The following ATAD2B variants were observed in gnomAD, a reference collection of about 807,000 sequenced individuals.
The protein encoded by ATAD2B is ATPase family AAA domain containing 2B, also known as ATPase family AAA domain-containing protein 2B.
In ATAD2B, 40 loss-of-function variants were observed where a neutral mutation model predicts 167.6. That is an observed-to-expected ratio of 0.24 (90% CI 0.19 to 0.31). ATAD2B has a LOEUF of 0.31. ATAD2B is among the 10% of genes least tolerant of loss of function. The pLI is 1.00. For missense variants in ATAD2B, 1,242 were observed against 1,757.2 expected (o/e 0.71, Z 5.24); for synonymous variants, 579 against 596.5 (o/e 0.97, Z 0.43).
At chr2:23,857,154 T>G (rs1371347279) in intron 13 of ATAD2B, among the ~76,000 whole-genome samples, 2 of 152,182 alleles carry the variant, frequency 1.3e-5, no homozygotes, top group African/African-American at 4.8e-5. Flanking sequence ...TTGTAGCACA[T>G]AAGAAACCAC....
chr2:23,684,662 T>TCTCCTCCTC, the ATAD2B span: 2 of 553,994 alleles, frequency 3.6e-6, no homozygotes, highest in Admixed American at 7.3e-5. This position sits in a 1 kb window ranked among gnomAD's most constrained non-coding sequence, Gnocchi z 4.4. Flanking sequence ...AGTAGCCATC[T>TCTCCTCCTC]CTCCTCCTCC....
intron 7 of ATAD2B, among the ~76,000 whole-genome samples, chr2:23,877,523 A>AAGGGGAGGGG (rs1275001400): frequency 1.3e-4 from 6 of 45,232 alleles, no homozygotes; most frequent in Admixed American, 3.3e-4. Flanking sequence ...AAGGGGAGGG[A>AAGGGGAGGGG]AGGGGAGGGG....
At position 23,915,695 on chromosome 2, in the gene ATAD2B, G is replaced by A. The variant is rs554542551; in HGVS notation, c.216+10860C>T. On this transcript the variant is annotated intron_variant, in intron 1 of 27. Transcript: ENST00000238789. ...CAGCCTCCTCCTCCTGGGTTCAAGCGATTCCCCTGCCTCAGCCTCCCAAAT... is the reference window on the plus strand; with the variant it reads ...CAGCCTCCTCCTCCTGGGTTCAAGCAATTCCCCTGCCTCAGCCTCCCAAAT... Among the ~76,000 whole-genome samples the A allele has an allele frequency of 3.5e-5, 5 of 143,912 alleles. No individual in the cohort carries two copies. In the South Asian group the frequency reaches 6.9e-4, roughly 20 times the overall value. 94.4% of individuals were successfully genotyped at this position (143,912 alleles called of 152,430 possible).
rs374648032 is a variant in ATAD2B at position 23,908,125 on chromosome 2, A to C, written c.217-12155T>G. 2.0e-4 allele frequency among the ~76,000 whole-genome samples: 31 copies of C among 152,254 alleles called. 1 individual carries two copies. In the East Asian group the frequency reaches 3.3e-3, roughly 16 times the overall value. ...ACACCAAAAGCAATGGCAACAAAAG[A>C]CAAAATTGACAAATGGGATCTAATT... On this transcript the variant is annotated intron_variant, in intron 1 of 27. Coordinates refer to ENST00000238789, the MANE Select transcript of ATAD2B (RefSeq NM_017552.4).
At chr2:23,807,326 G>C (rs948631955) in intron 18 of ATAD2B, among the ~76,000 whole-genome samples, 1 of 152,146 alleles carries the variant, frequency 6.6e-6, no homozygotes, top group Non-Finnish European at 1.5e-5. Context: ...ATATGGAGTT[G>C]AACGCTCAAC....
intron 25 of ATAD2B, among the ~76,000 whole-genome samples, chr2:23,756,647 A>C (rs962494670): frequency 6.6e-6 from 1 of 152,156 alleles, no homozygotes; most frequent in Non-Finnish European, 1.5e-5. Flanking sequence ...TCATGTAGCC[A>C]TAAGAAGTCA....
At chr2:23,906,055 G>A (rs772797763) in intron 1 of ATAD2B, among the ~76,000 whole-genome samples, 24 of 152,068 alleles carry the variant, frequency 1.6e-4, no homozygotes, top group Admixed American at 1.1e-3. Context: ...GAGAAAGGTC[G>A]GCTGGGTGCG....
At chr2:23,691,809 G>A in the ATAD2B span, 1 of 1,551,728 alleles carries the variant, frequency 6.4e-7, no homozygotes, top group Non-Finnish European at 8.7e-7. Flanking sequence ...CCAACGCCAA[G>A]ACACTGCTGG....
intron 4 of ATAD2B, among the ~76,000 whole-genome samples, chr2:23,886,246 A>G (rs780216454): frequency 2.6e-5 from 4 of 152,102 alleles, no homozygotes; most frequent in Non-Finnish European, 5.9e-5. Context: ...CCATATCCCA[A>G]TTAAATACCT....
intron 1 of ATAD2B, among the ~76,000 whole-genome samples, chr2:23,926,146 A>G (rs1704762120): frequency 6.6e-6 from 1 of 152,188 alleles, no homozygotes; most frequent in Non-Finnish European, 1.5e-5. Flanking sequence ...GCAGGAACTG[A>G]CACACTTTCA....
intron 13 of ATAD2B, among the ~76,000 whole-genome samples, chr2:23,835,167 T>A (rs1430632702): frequency 6.6e-6 from 1 of 152,180 alleles, no homozygotes; most frequent in Non-Finnish European, 1.5e-5. Flanking sequence ...CTGTTAAACG[T>A]AAGAGTTGCC....
chr2:23,875,775 C>T (rs922006040), intron 8 of ATAD2B, 54 bp downstream of exon 8: 39 of 1,160,566 alleles, frequency 3.4e-5, no homozygotes, highest in Non-Finnish European at 4.8e-5. Flanking sequence ...AAGAAAGACA[C>T]AATTAGTCTC....
chr2:23,880,307 T>C (rs1315715421), intron 7 of ATAD2B, among the ~76,000 whole-genome samples: 2 of 152,122 alleles, frequency 1.3e-5, no homozygotes, highest in Non-Finnish European at 2.9e-5. Flanking sequence ...ATAAAACCTA[T>C]AAGAGATTGC....
chr2:23,877,525 G>A (rs1443908811), intron 7 of ATAD2B, among the ~76,000 whole-genome samples: 1 of 94,010 alleles, frequency 1.1e-5, no homozygotes, highest in Non-Finnish European at 2.2e-5. Context: ...GGGGAGGGAA[G>A]GGGAGGGGAG....
At chr2:23,836,534 C>T (rs1039823333) in intron 13 of ATAD2B, among the ~76,000 whole-genome samples, 11 of 152,308 alleles carry the variant, frequency 7.2e-5, no homozygotes, top group African/African-American at 2.6e-4. Flanking sequence ...GAGTTCTTGT[C>T]CTGAGTCCAG....
At chr2:23,785,254 A>T (rs1346852556) in intron 21 of ATAD2B, among the ~76,000 whole-genome samples, 1 of 152,120 alleles carries the variant, frequency 6.6e-6, no homozygotes, top group Non-Finnish European at 1.5e-5. Flanking sequence ...TTTTAAAAAA[A>T]GAAATGAATA....
chr2:23,823,710 A>T, intron 15 of ATAD2B, 141 bp from the exon 16 acceptor site: 1 of 710,764 alleles, frequency 1.4e-6, no homozygotes, highest in Non-Finnish European at 2.2e-6. Flanking sequence ...CAGCAAAATG[A>T]AAACTAGCCA....
At chr2:23,817,609 A>G (rs1372793913) in intron 17 of ATAD2B, among the ~76,000 whole-genome samples, 1 of 152,240 alleles carries the variant, frequency 6.6e-6, no homozygotes, top group Non-Finnish European at 1.5e-5. Context: ...ACTATGTTAT[A>G]TCTTATTCAT....
Position 23,887,818 on chromosome 2 carries a change from C to T in ATAD2B, c.572+14G>A. 1 of 1,562,722 alleles carries T rather than the reference C, an allele frequency of 6.4e-7. No homozygotes were observed. The highest frequency in any genetic ancestry group is 8.6e-7 in the Non-Finnish European group (1 of 1,159,614). On this transcript the variant is annotated intron_variant, in intron 4 of 27. Coordinates refer to ENST00000238789, the MANE Select transcript of ATAD2B (RefSeq NM_017552.4). ...AATAATTAAATGAAACTGCTTAATA[C>T]TTGGCATTCATACCTATTTACTAGT...
Sources: allele counts gnomAD v4.1 joint callset (sites outside exome capture counted in the v4.1 genomes callset), GRCh38; gene constraint gnomAD v4.1.1; non-coding constraint Gnocchi (gnomAD v3.1); transcripts MANE v1.5; gene names NCBI Gene and HGNC (gene_info 2026-07-23, HGNC 2026-07-21).